Variants in PDK1 observed in about 807,000 individuals in gnomAD.
The protein encoded by PDK1 is pyruvate dehydrogenase kinase 1, also known as [Pyruvate dehydrogenase (acetyl-transferring)] kinase isozyme 1, mitochondrial.
A neutral mutation model predicts 54.2 loss-of-function variants in PDK1; 39 were observed. The observed-to-expected ratio is 0.72, with a 90% confidence interval of 0.56 to 0.94. The LOEUF is 0.94. PDK1 is among the 40% of genes least tolerant of loss of function. PDK1 has a pLI of 0.00. For synonymous variants in PDK1, 221 were observed against 207.1 expected, an observed-to-expected ratio of 1.07 and a Z score of -0.58; for missense variants, 552 against 566.0, an observed-to-expected ratio of 0.98 and a Z score of 0.25.
At chr2:172,558,885 G>A (rs2149187171) in intron 2 of PDK1, 36 bp downstream of exon 2, 2 of 1,578,230 alleles carry the variant, frequency 1.3e-6, no homozygotes, top group Non-Finnish European at 1.7e-6. Flanking sequence ...ATTTGATGGA[G>A]TTGTGGACTT....
At chr2:172,564,270 A>G in intron 3 of PDK1, 1 of 547,264 alleles carries the variant, frequency 1.8e-6, no homozygotes, top group Admixed American at 3.1e-5. Context: ...ACTCTTAGGA[A>G]GCCAAGAAAA....
chr2:172,715,073 G>A, the PDK1 span, among the ~76,000 whole-genome samples: 7 of 152,142 alleles, frequency 4.6e-5, no homozygotes, highest in African/African-American at 1.7e-4. Context: ...ATATGTTCTG[G>A]ATACTTGAAA....
the PDK1 span, among the ~76,000 whole-genome samples, chr2:172,688,923 G>A: frequency 2.4e-4 from 37 of 152,320 alleles, no homozygotes; most frequent in Non-Finnish European, 3.4e-4. Flanking sequence ...CTTCAAGAAC[G>A]AAGCCACAGA....
At chr2:172,567,623 G>T (rs1004037093) in intron 6 of PDK1, among the ~76,000 whole-genome samples, 1 of 152,228 alleles carries the variant, frequency 6.6e-6, no homozygotes, top group African/African-American at 2.4e-5. Context: ...GCATTGCTTG[G>T]TGATTTTCTA....
At chr2:172,569,680 G>T (rs931698269) in intron 7 of PDK1, among the ~76,000 whole-genome samples, 3 of 152,148 alleles carry the variant, frequency 2.0e-5, no homozygotes, top group African/African-American at 7.2e-5. Context: ...CAGCAAAAAT[G>T]TATTTAATAC....
the PDK1 span, among the ~76,000 whole-genome samples, chr2:172,651,599 G>T: frequency 1.3e-4 from 19 of 151,200 alleles, 2 homozygotes; most frequent in Admixed American, 1.2e-3. Context: ...AAAGAGAGAA[G>T]AATCAAATAG....
the PDK1 span, among the ~76,000 whole-genome samples, chr2:172,645,013 C>T: frequency 2.6e-5 from 4 of 151,306 alleles, no homozygotes; most frequent in African/African-American, 9.7e-5. Flanking sequence ...GTGAGGATTA[C>T]ATTCGGTGGT....
At chr2:172,653,470 G>A in the PDK1 span, among the ~76,000 whole-genome samples, 10 of 152,204 alleles carry the variant, frequency 6.6e-5, no homozygotes, top group South Asian at 2.1e-4. Flanking sequence ...GGGCATGGTC[G>A]TGGGCACCTG....
chr2:172,592,988 A>C lies in PDK1; in HGVS notation c.1110A>C (p.Gln370His), dbSNP rs1690687819. ...CACGTCTTTACGCACAATACTTCCA[A>C]GGAGACCTGAAGCTGTATTCCCTAG... Reference protein sequence around the residue: ...PISRLYAQYFQGDLKLYSLEG... With the variant: ...PISRLYAQYFHGDLKLYSLEG... Residue 370 changes from glutamine to histidine, a missense_variant, in exon 10 of 11, where the codon CAA becomes CAC. Coordinates refer to ENST00000282077, the MANE Select transcript of PDK1 (RefSeq NM_002610.5). 6.2e-7 allele frequency: 1 copy of C among 1,612,632 alleles called. No individual in the cohort carries two copies.
rs1258435685 is a variant in PDK1, at chr2:172,556,284, A to C, written c.134A>C (p.Gln45Pro). The C allele has an allele frequency of 1.3e-6, 2 of 1,509,688 alleles. No individual in the cohort carries two copies. Among genetic ancestry groups the C allele is most frequent in the African/African-American group, 1.5e-5 (1 of 68,774 alleles). 93.5% of individuals were successfully genotyped at this position (1,509,688 alleles called of 1,614,324 possible). ...GCGTCCGAGCGCGGCGTTCCGGGCC[A>C]GGTGGACTTCTACGCGCGCTTCTCG... The part of the protein sequence containing the change: ...SPASERGVPG[Q>P]VDFYARFSPS... The change falls in exon 1 of 11, where the codon CAG (glutamine) becomes CCG (proline). Residue 45 changes from glutamine to proline, a missense_variant. Coordinates refer to ENST00000282077, the MANE Select transcript of PDK1 (RefSeq NM_002610.5).
chr2:172,616,355 C>T, the PDK1 span, among the ~76,000 whole-genome samples: 1 of 152,088 alleles, frequency 6.6e-6, no homozygotes, highest in Non-Finnish European at 1.5e-5. Flanking sequence ...TATATTTATC[C>T]AGCGAAATAC....
chr2:172,698,992 C>T, the PDK1 span, among the ~76,000 whole-genome samples: 2 of 152,186 alleles, frequency 1.3e-5, no homozygotes, highest in African/African-American at 4.8e-5. Context: ...GACTCAAAAT[C>T]TCCCCTATAC....
chr2:172,688,498 T>C, the PDK1 span, among the ~76,000 whole-genome samples: 2 of 152,240 alleles, frequency 1.3e-5, no homozygotes, highest in South Asian at 2.1e-4. Flanking sequence ...CCCATCTTAC[T>C]GACTGTTGTC....
At chr2:172,561,903 A>G (rs537210679) in intron 2 of PDK1, among the ~76,000 whole-genome samples, 1 of 152,342 alleles carries the variant, frequency 6.6e-6, no homozygotes, top group South Asian at 2.1e-4. Context: ...ATCTCAGCAT[A>G]ATCAGTATAT....
chr2:172,713,636 G>A, the PDK1 span, among the ~76,000 whole-genome samples: 23 of 152,342 alleles, frequency 1.5e-4, no homozygotes, highest in Non-Finnish European at 8.8e-5. Flanking sequence ...AAATTGGAGC[G>A]GGTGCTGGGA....
At chr2:172,574,843 A>G (rs901367380) in intron 8 of PDK1, among the ~76,000 whole-genome samples, 1 of 152,182 alleles carries the variant, frequency 6.6e-6, no homozygotes, top group Non-Finnish European at 1.5e-5. Flanking sequence ...AATTTTCTAT[A>G]TAAATGATCA....
the PDK1 span, among the ~76,000 whole-genome samples, chr2:172,656,144 A>G: frequency 1.1e-4 from 17 of 152,212 alleles, no homozygotes; most frequent in Non-Finnish European, 1.9e-4. Flanking sequence ...CTCAAGTACA[A>G]TTAGGTAGCT....
chr2:172,574,243 T>C lies in PDK1; in HGVS notation c.945+3419T>C, dbSNP rs374681265. ...TTGTCAAAAATCAATTGCTCATAAA[T>C]GTATGGGATTTATTTCTGGATTTTC... On this transcript the variant is annotated intron_variant, in intron 8 of 10. Coordinates refer to ENST00000282077, the MANE Select transcript of PDK1 (RefSeq NM_002610.5). Among the ~76,000 whole-genome samples the C allele has an allele frequency of 5.4e-4, 82 of 152,336 alleles. 1 individual carries two copies. Among genetic ancestry groups the C allele is most frequent in the Middle Eastern group, 6.8e-3 (2 of 294 alleles).
the PDK1 span, among the ~76,000 whole-genome samples, chr2:172,639,025 T>TA: frequency 3.9e-5 from 6 of 152,160 alleles, no homozygotes; most frequent in Non-Finnish European, 7.4e-5. Flanking sequence ...AGTACCTTTT[T>TA]AAAAAAATTT....
Sources: allele counts gnomAD v4.1 joint callset (sites outside exome capture counted in the v4.1 genomes callset), GRCh38; gene constraint gnomAD v4.1.1; transcripts MANE v1.5; gene names NCBI Gene and HGNC (gene_info 2026-07-23, HGNC 2026-07-21).